GPC5: variants seen among roughly 807,000 people sequenced by gnomAD.
The protein encoded by GPC5 is glypican-5.
Under a neutral mutation model 53.9 loss-of-function variants are expected in GPC5, and 47 were observed. The observed-to-expected ratio is 0.87, with a 90% confidence interval of 0.69 to 1.11. The LOEUF is 1.11. Among genes scored for constraint, GPC5 ranks in the 50% most tolerant of loss-of-function variants. The probability of loss-of-function intolerance (pLI) is 0.00; values close to 1 mark genes in which losing one functional copy is unlikely to be tolerated. For synonymous variants in GPC5, 286 were observed against 263.3 expected (o/e 1.09, Z -0.84); for missense variants, 748 against 713.1 (o/e 1.05, Z -0.56).
At chr13:92,369,845 G>A (rs1318820298) in intron 7 of GPC5, among the ~76,000 whole-genome samples, 1 of 152,098 alleles carries the variant, frequency 6.6e-6, no homozygotes, top group Non-Finnish European at 1.5e-5. Flanking sequence ...CTCTACCAAA[G>A]GCCAACAAGA....
chr13:92,299,504 G>A (rs1301467495), intron 7 of GPC5, among the ~76,000 whole-genome samples: 1 of 152,072 alleles, frequency 6.6e-6, no homozygotes, highest in African/African-American at 2.4e-5. Context: ...ACTTGTAAAT[G>A]AAAATACTGA....
At chr13:91,549,511 C>T (rs2030499275) in intron 2 of GPC5, among the ~76,000 whole-genome samples, 1 of 152,094 alleles carries the variant, frequency 6.6e-6, no homozygotes. Context: ...AAAGACACAT[C>T]TGATAAAGGA....
At chr13:91,976,730 G>A (rs1417924645) in intron 6 of GPC5, among the ~76,000 whole-genome samples, 1 of 152,132 alleles carries the variant, frequency 6.6e-6, no homozygotes, top group East Asian at 1.9e-4. Flanking sequence ...TAAGACAAAT[G>A]TAAGTTTCAG....
rs2040459939 is a variant in GPC5 at position 91,991,864 on chromosome 13, T to G, written c.1401+83807T>G. On this transcript the variant is annotated intron_variant, in intron 6 of 7. Coordinates refer to ENST00000377067, the MANE Select transcript of GPC5 (RefSeq NM_004466.6). ...TTAGGTTTCCTGCAAAATCGCTACA[T>G]TTTTATAAACATTAGTGTGTGGTTA... Among the ~76,000 whole-genome samples, 4 of 152,132 alleles carry G rather than the reference T, an allele frequency of 2.6e-5. 1 individual carries two copies. The South Asian group carries it at 8.3e-4, about 32-fold the overall frequency.
intron 6 of GPC5, among the ~76,000 whole-genome samples, chr13:92,107,001 T>C (rs374361703): frequency 2.1e-3 from 324 of 152,274 alleles, no homozygotes; most frequent in African/African-American, 7.6e-3. Context: ...GGTTTTTACC[T>C]ATATTAATGT....
intron 1 of GPC5, among the ~76,000 whole-genome samples, chr13:91,432,685 A>G (rs908534498): frequency 6.6e-6 from 1 of 152,220 alleles, no homozygotes; most frequent in African/African-American, 2.4e-5. Context: ...ATTTTAATGA[A>G]TAATATCAAT....
chr13:92,520,804 T>C (rs937151861), intron 7 of GPC5, among the ~76,000 whole-genome samples: 1 of 152,000 alleles, frequency 6.6e-6, no homozygotes. Context: ...GACAAAGAAA[T>C]AAAGGGTATT....
chr13:91,887,251 T>C (rs1378931086), intron 5 of GPC5, among the ~76,000 whole-genome samples: 1 of 152,064 alleles, frequency 6.6e-6, no homozygotes, highest in African/African-American at 2.4e-5. Context: ...TACCCTGGTG[T>C]CTCCCACCCA....
intron 7 of GPC5, among the ~76,000 whole-genome samples, chr13:92,394,269 T>TTG (rs975741782): frequency 5.3e-5 from 8 of 152,136 alleles, no homozygotes; most frequent in Admixed American, 1.3e-4. Flanking sequence ...TATACATATT[T>TTG]TGTGTGTGTG....
intron 2 of GPC5, among the ~76,000 whole-genome samples, chr13:91,679,421 A>G (rs911688863): frequency 2.6e-5 from 4 of 152,196 alleles, no homozygotes; most frequent in Admixed American, 6.5e-5. Flanking sequence ...CTAGGTTGAT[A>G]TGTTATACAT....
intron 4 of GPC5, among the ~76,000 whole-genome samples, chr13:91,747,445 G>A (rs777746331): frequency 3.9e-5 from 6 of 152,198 alleles, no homozygotes; most frequent in Non-Finnish European, 4.4e-5. Flanking sequence ...CTATGAATGA[G>A]CAATTGTGCT....
chr13:91,408,917 A>G, intron 1 of GPC5, among the ~76,000 whole-genome samples: 1 of 152,094 alleles, frequency 6.6e-6, no homozygotes, highest in East Asian at 1.9e-4. Context: ...GATTTCTTCA[A>G]TATTTGCCTT....
At chr13:91,550,888 C>T (rs1168746153) in intron 2 of GPC5, among the ~76,000 whole-genome samples, 3 of 152,102 alleles carry the variant, frequency 2.0e-5, no homozygotes, top group Non-Finnish European at 4.4e-5. Flanking sequence ...TTACCTTCCA[C>T]CATGTAAGAC....
chr13:91,706,297 C>T (rs2036104559), intron 3 of GPC5, among the ~76,000 whole-genome samples: 1 of 151,768 alleles, frequency 6.6e-6, no homozygotes, highest in Non-Finnish European at 1.5e-5. Flanking sequence ...ATAATTTTTG[C>T]CCCATAGAGT....
At chr13:92,329,134 C>A (rs1196940009) in intron 7 of GPC5, among the ~76,000 whole-genome samples, 2 of 152,090 alleles carry the variant, frequency 1.3e-5, no homozygotes, top group African/African-American at 2.4e-5. Flanking sequence ...TTATAACATT[C>A]CTCCTGTTCA....
chr13:92,793,574 A>G (rs966402305), intron 7 of GPC5, among the ~76,000 whole-genome samples: 2 of 151,972 alleles, frequency 1.3e-5, no homozygotes, highest in Admixed American at 6.6e-5. Flanking sequence ...AAAATCCCTT[A>G]AAAAAACAAT....
At chr13:92,263,045 CAT>C (rs1050564408) in intron 7 of GPC5, among the ~76,000 whole-genome samples, 2 of 152,020 alleles carry the variant, frequency 1.3e-5, no homozygotes, top group Non-Finnish European at 1.5e-5. Context: ...ATTTTTATGA[CAT>C]AGAGAGTAGC....
At chr13:92,097,102 G>A (rs1266567802) in intron 6 of GPC5, among the ~76,000 whole-genome samples, 4 of 152,202 alleles carry the variant, frequency 2.6e-5, no homozygotes, top group African/African-American at 9.6e-5. Context: ...TGCTGGTGAG[G>A]TCTCAGAAGG....
chr13:92,839,158 G>T (rs1208796539), intron 7 of GPC5, among the ~76,000 whole-genome samples: 2 of 152,154 alleles, frequency 1.3e-5, no homozygotes, highest in African/African-American at 4.8e-5. Flanking sequence ...CTGACCAATT[G>T]TAAGAGAAAT....
Sources: allele counts gnomAD v4.1 joint callset (sites outside exome capture counted in the v4.1 genomes callset), GRCh38; gene constraint gnomAD v4.1.1; transcripts MANE v1.5; gene names NCBI Gene and HGNC (gene_info 2026-07-23, HGNC 2026-07-21).